SUGCT: variants seen among roughly 807,000 people sequenced by gnomAD.
The protein encoded by SUGCT is succinyl-CoA:glutarate CoA-transferase.
SUGCT carries 41 observed loss-of-function variants against 55.0 expected under a neutral mutation model. The ratio of observed to expected loss-of-function variants is 0.74; its 90% CI spans 0.58 to 0.97. The LOEUF is 0.97. Ranked by LOEUF, SUGCT falls within the 50% of genes least tolerant of loss-of-function variation. The pLI is 0.00. For missense variants in SUGCT, 568 were observed against 547.8 expected, an observed-to-expected ratio of 1.04 and a Z score of -0.37; for synonymous variants, 187 against 200.4, an observed-to-expected ratio of 0.93 and a Z score of 0.56.
intron 13 of SUGCT, among the ~76,000 whole-genome samples, chr7:40,843,106 G>A (rs1023457019): frequency 3.3e-5 from 5 of 152,160 alleles, no homozygotes; most frequent in Non-Finnish European, 7.3e-5. Flanking sequence ...CATTCTAGCA[G>A]AGAAAGACAG....
At chr7:40,391,687 G>T (rs1376446143) in intron 9 of SUGCT, among the ~76,000 whole-genome samples, 1 of 152,158 alleles carries the variant, frequency 6.6e-6, no homozygotes, top group Non-Finnish European at 1.5e-5. Flanking sequence ...CTGTTGGTGG[G>T]ACTGTAAACT....
chr7:40,199,075 G>A (rs147622904), intron 6 of SUGCT, among the ~76,000 whole-genome samples: 5 of 151,600 alleles, frequency 3.3e-5, no homozygotes, highest in African/African-American at 1.2e-4. Context: ...GATTACATCA[G>A]TCTAAAGTTG....
chr7:40,183,409 A>C (rs1785327519), intron 3 of SUGCT, among the ~76,000 whole-genome samples: 1 of 152,166 alleles, frequency 6.6e-6, no homozygotes, highest in Non-Finnish European at 1.5e-5. Context: ...GTGTGATCAT[A>C]GCTCACCATA....
At chr7:41,008,731 G>A in the SUGCT span, among the ~76,000 whole-genome samples, 22 of 151,904 alleles carry the variant, frequency 1.4e-4, no homozygotes, top group African/African-American at 5.3e-4. Flanking sequence ...TATAAATGAC[G>A]CTGCTGGAGG....
chr7:40,802,664 G>A (rs1477498608), intron 13 of SUGCT, among the ~76,000 whole-genome samples: 1 of 152,170 alleles, frequency 6.6e-6, no homozygotes, highest in Non-Finnish European at 1.5e-5. Flanking sequence ...TACAGAAGCT[G>A]TTCACTTCAG....
At chr7:40,479,851 T>C (rs529575155) in intron 11 of SUGCT, among the ~76,000 whole-genome samples, 1 of 152,242 alleles carries the variant, frequency 6.6e-6, no homozygotes, top group South Asian at 2.1e-4. Context: ...CCTTTGCTTG[T>C]TTTTACATTG....
the SUGCT span, among the ~76,000 whole-genome samples, chr7:40,973,754 AAT>A: frequency 6.6e-6 from 1 of 152,186 alleles, no homozygotes; most frequent in Non-Finnish European, 1.5e-5. Flanking sequence ...TGAAACTACA[AAT>A]ATCTGACCTT....
the SUGCT span, among the ~76,000 whole-genome samples, chr7:40,868,863 C>A: frequency 0.087 from 13,249 of 152,158 alleles, 684 homozygotes; most frequent in Middle Eastern, 0.14. Context: ...CTATGACTTG[C>A]TTTTTAAAAA....
the SUGCT span, among the ~76,000 whole-genome samples, chr7:40,948,433 CATGATGATGATGATGATGATGATG>C: frequency 6.7e-6 from 1 of 149,024 alleles, no homozygotes; most frequent in South Asian, 2.1e-4. Context: ...CCCTGAAAAA[CATGATGATGATGATGATGATGATG>C]ATGATGATGA....
At chr7:40,465,596 C>CAA (rs1221256803) in intron 11 of SUGCT, among the ~76,000 whole-genome samples, 1 of 151,772 alleles carries the variant, frequency 6.6e-6, no homozygotes, top group African/African-American at 2.4e-5. Context: ...GGTGACAGAG[C>CAA]AAGACTCTGT....
At chr7:40,545,512 TGCCAAG>T (rs1794940779) in intron 12 of SUGCT, among the ~76,000 whole-genome samples, 1 of 152,234 alleles carries the variant, frequency 6.6e-6, no homozygotes, top group South Asian at 2.1e-4. Context: ...CCAAGTTTAC[TGCCAAG>T]ACCAATAAAA....
chr7:40,731,247 G>C (rs565908475), intron 12 of SUGCT, among the ~76,000 whole-genome samples: 1 of 152,280 alleles, frequency 6.6e-6, no homozygotes, highest in South Asian at 2.1e-4. Context: ...CTACATGGTC[G>C]AACATAATAG....
intron 9 of SUGCT, among the ~76,000 whole-genome samples, chr7:40,444,104 CA>C (rs1228711196): frequency 6.6e-6 from 1 of 152,094 alleles, no homozygotes; most frequent in Non-Finnish European, 1.5e-5. Flanking sequence ...GTACCAGTAC[CA>C]TGCTGTTTTG....
chr7:40,899,018 G>C, the SUGCT span, among the ~76,000 whole-genome samples: 1 of 152,120 alleles, frequency 6.6e-6, no homozygotes, highest in Non-Finnish European at 1.5e-5. Flanking sequence ...CGGCTCTTAG[G>C]CATTGTTATT....
chr7:40,300,953 G>A (rs1402388221), intron 8 of SUGCT, among the ~76,000 whole-genome samples: 1 of 152,136 alleles, frequency 6.6e-6, no homozygotes, highest in Non-Finnish European at 1.5e-5. Context: ...TTTAACAAAA[G>A]CATTTTGTAT....
chr7:40,882,104 G>A, the SUGCT span, among the ~76,000 whole-genome samples: 1 of 152,168 alleles, frequency 6.6e-6, no homozygotes, highest in Non-Finnish European at 1.5e-5. Flanking sequence ...GACCAGATCT[G>A]CCACACACAG....
At chr7:40,230,272 A>T (rs1562595067) in intron 6 of SUGCT, among the ~76,000 whole-genome samples, 1 of 152,188 alleles carries the variant, frequency 6.6e-6, no homozygotes, top group Non-Finnish European at 1.5e-5. Context: ...GGAATTAAAG[A>T]GTTTGCATGT....
intron 1 of SUGCT, among the ~76,000 whole-genome samples, chr7:40,150,995 G>A (rs947800209): frequency 6.6e-6 from 1 of 152,146 alleles, no homozygotes; most frequent in Admixed American, 6.5e-5. Context: ...CCAGCACTTC[G>A]GGAGGCTGAG....
In SUGCT at chr7:40,693,136, AC is replaced by A. The variant is rs1784770135; in HGVS notation, c.1090-56297del. Among the ~76,000 whole-genome samples, 3 of 151,970 alleles carry A rather than the reference AC, an allele frequency of 2.0e-5. No individual in the cohort carries two copies. In the South Asian group the frequency reaches 6.3e-4, roughly 32 times the overall value. On this transcript the variant is annotated intron_variant, in intron 12 of 13. Coordinates refer to ENST00000335693, the MANE Select transcript of SUGCT (RefSeq NM_001193313.2). Reference sequence around the variant, plus strand: ...TTGTTTCCTGCAGTACAATAGACCAACTCTTCTCTTCACAGTCATTTCCCCC... The same window carrying A: ...TTGTTTCCTGCAGTACAATAGACCAATCTTCTCTTCACAGTCATTTCCCCC...
Sources: gnomAD v4.1 joint callset for allele counts (sites outside exome capture counted in the v4.1 genomes callset) on GRCh38, gnomAD v4.1.1 for gene constraint, MANE v1.5 for transcripts, NCBI Gene and HGNC (gene_info 2026-07-23, HGNC 2026-07-21) for gene names.